The following GCA variants were observed in gnomAD, a reference collection of about 807,000 sequenced individuals.
GCA encodes grancalcin.
Under a neutral mutation model 32.6 loss-of-function variants are expected in GCA, and 30 were observed. The ratio of observed to expected loss-of-function variants is 0.92; its 90% CI spans 0.69 to 1.25. The LOEUF is 1.25. Among genes scored for constraint, GCA ranks in the 50% most tolerant of loss-of-function variants. GCA has a pLI of 0.00. For synonymous variants in GCA, 102 were observed against 84.6 expected, an observed-to-expected ratio of 1.21 and a Z score of -1.13; for missense variants, 291 against 266.8, an observed-to-expected ratio of 1.09 and a Z score of -0.63.
At chr2:162,363,389 G>A (rs1685656571), downstream of GCA, among the ~76,000 whole-genome samples, 2 of 151,248 alleles carry the variant, frequency 1.3e-5, no homozygotes, top group African/African-American at 2.4e-5. Flanking sequence ...AGTGAATTAA[G>A]CACATCTGAA....
rs1685524741 is a variant in GCA at position 162,360,530 on chromosome 2, T to A, written c.*287T>A. On this transcript the variant is annotated 3_prime_UTR_variant, in exon 8 of 8. Coordinates refer to ENST00000437150, the MANE Select transcript of GCA (RefSeq NM_012198.5). ...AATAATGCTTAGCCTTAATTTTAGATAATGTAAATTTAGAGGAATGTACTT... is the reference window on the plus strand; with the variant it reads ...AATAATGCTTAGCCTTAATTTTAGAAAATGTAAATTTAGAGGAATGTACTT... 2 of 1,024,980 alleles carry A rather than the reference T, an allele frequency of 2.0e-6. No homozygotes were observed. The highest frequency in any genetic ancestry group is 2.5e-6 in the Non-Finnish European group (2 of 789,050). 63.5% of individuals were successfully genotyped at this position (1,024,980 alleles called of 1,614,324 possible).
chr2:162,338,323 A>G (rs1322367343), intron 1 of GCA, among the ~76,000 whole-genome samples: 2 of 152,214 alleles, frequency 1.3e-5, no homozygotes, highest in Non-Finnish European at 2.9e-5. Context: ...TTGGCCAAGA[A>G]TATATTTAAG....
chr2:162,319,233 C>G (rs1005811499), intron 1 of GCA: 10 of 456,590 alleles, frequency 2.2e-5, no homozygotes, highest in Non-Finnish European at 4.0e-5. Flanking sequence ...GAGGTGGGTT[C>G]GAAAAAGTGA....
At chr2:162,349,850 T>C (rs1168261627) in intron 2 of GCA, among the ~76,000 whole-genome samples, 4 of 152,206 alleles carry the variant, frequency 2.6e-5, no homozygotes, top group Non-Finnish European at 5.9e-5. Flanking sequence ...TCCATATCTC[T>C]TTTCTTTTAT....
intron 1 of GCA, among the ~76,000 whole-genome samples, chr2:162,332,566 T>G (rs1395090176): frequency 6.6e-6 from 1 of 151,920 alleles, no homozygotes; most frequent in Non-Finnish European, 1.5e-5. Context: ...TTCGAAGGAT[T>G]TTTGCATAAC....
chr2:162,336,962 C>G (rs748749318), intron 1 of GCA, among the ~76,000 whole-genome samples: 4 of 152,144 alleles, frequency 2.6e-5, no homozygotes, highest in Non-Finnish European at 5.9e-5. Flanking sequence ...CCTTACAGAA[C>G]AATTTCATGG....
chr2:162,355,791 A>G (rs907411470), intron 3 of GCA, among the ~76,000 whole-genome samples: 4 of 150,384 alleles, frequency 2.7e-5, no homozygotes, highest in African/African-American at 9.8e-5. Flanking sequence ...TCAGATGCTC[A>G]TTTTTTCTTA....
chr2:162,373,599 AGTG>A, downstream of GCA: 1 of 1,574,152 alleles, frequency 6.4e-7, no homozygotes, highest in East Asian at 2.4e-5. Flanking sequence ...GGGGGACCAC[AGTG>A]GTTTGTTTCT....
chr2:162,348,516 A>T (rs1684827005), intron 2 of GCA, among the ~76,000 whole-genome samples: 1 of 152,184 alleles, frequency 6.6e-6, no homozygotes, highest in African/African-American at 2.4e-5. Flanking sequence ...AGGATTTATT[A>T]ATTAAAAATT....
chr2:162,360,233 TG>T lies in GCA; in HGVS notation c.646del (p.Ala216GlnfsTer8). On this transcript the variant is annotated frameshift_variant, in exon 8 of 8. Coordinates refer to ENST00000437150, the MANE Select transcript of GCA (RefSeq NM_012198.5). LOFTEE classifies it high-confidence loss of function. ...ATGTATTAGTTTTTGCAGGGCACTA[TG>T]GCAATTTGAATGCTTAGAATTTTAA... is the stretch of plus-strand genomic sequence containing the variant. ...FIYDDFLQGT[M>X]AI The T allele has an allele frequency of 6.4e-7, 1 of 1,571,244 alleles. No individual in the cohort carries two copies. The highest frequency in any genetic ancestry group is 8.7e-7 in the Non-Finnish European group (1 of 1,147,612).
chr2:162,352,528 G>T (rs1685055907), intron 3 of GCA, 121 bp downstream of exon 3: 1 of 649,504 alleles, frequency 1.5e-6, no homozygotes, highest in Admixed American at 2.7e-5. Flanking sequence ...ATAGTTTAAG[G>T]AGTCAAATAA....
At position 162,360,377 on chromosome 2, in the gene GCA, T is replaced by G; in HGVS notation, c.*134T>G. ...TAAACCTCTTCCCTTTCTGTGTGTT[T>G]TTATTTTAGCAGATAGTTCAAAGCA... is the stretch of plus-strand genomic sequence containing the variant. On this transcript the variant is annotated 3_prime_UTR_variant, in exon 8 of 8. Coordinates refer to ENST00000437150, the MANE Select transcript of GCA (RefSeq NM_012198.5). The G allele has an allele frequency of 7.3e-7, 1 of 1,378,464 alleles. No individual in the cohort carries two copies. The highest frequency in any genetic ancestry group is 9.4e-7 in the Non-Finnish European group (1 of 1,059,014). 85.4% of individuals were successfully genotyped at this position (1,378,464 alleles called of 1,614,324 possible).
At chr2:162,363,931 C>T (rs1375528937), downstream of GCA, among the ~76,000 whole-genome samples, 1 of 151,332 alleles carries the variant, frequency 6.6e-6, no homozygotes, top group Non-Finnish European at 1.5e-5. Flanking sequence ...TATGATGTGC[C>T]ATACAGTAAG....
At chr2:162,335,619 C>A (rs2105283570) in intron 1 of GCA, among the ~76,000 whole-genome samples, 1 of 152,118 alleles carries the variant, frequency 6.6e-6, no homozygotes, top group Non-Finnish European at 1.5e-5. Context: ...AAAGCTAGCC[C>A]AGGACTTTGA....
chr2:162,347,615 T>TGATC lies in GCA; in HGVS notation c.66_67insATCG (p.Gly23IlefsTer31). 6.2e-7 allele frequency: 1 copy of TGATC among 1,609,562 alleles called. No homozygotes were observed. Among genetic ancestry groups the TGATC allele is most frequent in the Non-Finnish European group, 8.5e-7 (1 of 1,177,126 alleles). ...AGCATTCAGGTGCCAGGAATGCAGA[T>TGATC]GGGACAGCCAGTGCCAGAAACAGGC... is the stretch of plus-strand genomic sequence containing the variant. On this transcript the variant is annotated frameshift_variant, in exon 2 of 8. Transcript: ENST00000437150. LOFTEE classifies it high-confidence loss of function.
At chr2:162,326,205 T>C (rs1035803995) in intron 1 of GCA, among the ~76,000 whole-genome samples, 3 of 152,142 alleles carry the variant, frequency 2.0e-5, no homozygotes, top group Non-Finnish European at 4.4e-5. Context: ...CCTTACAAGG[T>C]ATAGAAAGCT....
downstream of GCA, chr2:162,371,613 G>A (rs1379625614): frequency 1.2e-6 from 1 of 812,382 alleles, no homozygotes; most frequent in East Asian, 2.9e-5. Context: ...TGAGATGCTG[G>A]CAGTTTTAAC....
At chr2:162,367,552 T>C (rs916333535), downstream of GCA, among the ~76,000 whole-genome samples, 33 of 151,982 alleles carry the variant, frequency 2.2e-4, no homozygotes, top group African/African-American at 5.6e-4. Flanking sequence ...AACAAGGAGA[T>C]TGACACTCTC....
intron 1 of GCA, among the ~76,000 whole-genome samples, chr2:162,325,884 TAA>T (rs1481843252): frequency 6.6e-6 from 1 of 151,780 alleles, no homozygotes; most frequent in East Asian, 1.9e-4. Context: ...TCATTTGCGT[TAA>T]GTCCTGTAGG....
Sources: allele counts gnomAD v4.1 joint callset (sites outside exome capture counted in the v4.1 genomes callset), GRCh38; gene constraint gnomAD v4.1.1; transcripts MANE v1.5; gene names NCBI Gene and HGNC (gene_info 2026-07-23, HGNC 2026-07-21).